USP4: variants seen among roughly 807,000 people sequenced by gnomAD.
USP4 encodes the protein ubiquitin carboxyl-terminal hydrolase 4.
In USP4, 72 loss-of-function variants were observed where a neutral mutation model predicts 118.2. The ratio of observed to expected loss-of-function variants is 0.61; its 90% CI spans 0.50 to 0.74. The LOEUF (loss-of-function observed/expected upper bound fraction) is 0.74, where lower values mean the gene tolerates loss of function less well. USP4 is among the 30% of genes least tolerant of loss of function. The probability of loss-of-function intolerance (pLI) is 0.00; values close to 1 mark genes in which losing one functional copy is unlikely to be tolerated. For synonymous variants in USP4, 415 were observed against 440.4 expected, an observed-to-expected ratio of 0.94 and a Z score of 0.72; for missense variants, 1,037 against 1,185.7, an observed-to-expected ratio of 0.87 and a Z score of 1.84.
At chr3:49,311,069 G>A (rs200781531) in intron 7 of USP4, among the ~76,000 whole-genome samples, 1 of 152,100 alleles carries the variant, frequency 6.6e-6, no homozygotes, top group East Asian at 1.9e-4. Context: ...CCACACCCAG[G>A]CTTGACTGGC....
chr3:49,313,509 C>T (rs528880847), intron 6 of USP4, among the ~76,000 whole-genome samples: 1 of 150,706 alleles, frequency 6.6e-6, no homozygotes, highest in South Asian at 2.1e-4. Flanking sequence ...GCCTGGGCAA[C>T]AAGAACAAAA....
At chr3:49,325,180 A>G (rs996803961) in intron 4 of USP4, 141 bp from the exon 5 acceptor site, 24 of 1,058,582 alleles carry the variant, frequency 2.3e-5, no homozygotes, top group Non-Finnish European at 3.1e-5. Context: ...CTTAAAATCA[A>G]TCATCTCCCA....
At chr3:49,302,340 A>G (rs2047270230) in intron 10 of USP4, 44 bp downstream of exon 10, 2 of 1,600,186 alleles carry the variant, frequency 1.2e-6, no homozygotes, top group African/African-American at 2.7e-5. Flanking sequence ...AATAGGAGGC[A>G]GCTTCTTTGG....
intron 11 of USP4, among the ~76,000 whole-genome samples, chr3:49,299,685 C>T (rs1388457628): frequency 2.6e-5 from 4 of 152,166 alleles, no homozygotes; most frequent in South Asian, 2.1e-4. Flanking sequence ...AGCCACCGCG[C>T]CCGGCCCTCA....
rs181356347 is a variant in USP4, at chr3:49,296,636, G to A, written c.1691+1234C>T. ...TGCACTCCTGCCTGGGAGACAGAGC[G>A]AGACTCCGTCTAAAAAAATAAAATA... On this transcript the variant is annotated intron_variant, in intron 13 of 21. Coordinates refer to ENST00000265560, the MANE Select transcript of USP4 (RefSeq NM_003363.4). Among the ~76,000 whole-genome samples the A allele has an allele frequency of 4.4e-3, 667 of 152,296 alleles. 4 individuals carry two copies. The highest frequency in any genetic ancestry group is 0.014 in the Middle Eastern group (4 of 294).
intron 2 of USP4, among the ~76,000 whole-genome samples, chr3:49,330,038 C>A (rs1460200051): frequency 6.6e-6 from 1 of 151,874 alleles, no homozygotes; most frequent in Non-Finnish European, 1.5e-5. Flanking sequence ...ACTCAGGAGG[C>A]TGAGGCAGGA....
chr3:49,316,151 G>A (rs572342526), intron 6 of USP4, among the ~76,000 whole-genome samples: 7 of 152,052 alleles, frequency 4.6e-5, no homozygotes, highest in Admixed American at 2.0e-4. Context: ...GCAGTGAGCC[G>A]AGATCGCGCC....
At chr3:49,285,408 G>C (rs2047082070) in intron 16 of USP4, among the ~76,000 whole-genome samples, 1 of 152,142 alleles carries the variant, frequency 6.6e-6, no homozygotes, top group Admixed American at 6.6e-5. Context: ...AAAAGTCAAA[G>C]ACTGGAGTTT....
chr3:49,317,644 TC>T (rs2047455076), intron 6 of USP4, among the ~76,000 whole-genome samples: 1 of 149,200 alleles, frequency 6.7e-6, no homozygotes, highest in Non-Finnish European at 1.5e-5. Flanking sequence ...TGGGTTCACA[TC>T]ATTCTCCTGC....
intron 6 of USP4, among the ~76,000 whole-genome samples, chr3:49,320,792 C>T (rs1322379945): frequency 6.6e-6 from 1 of 152,020 alleles, no homozygotes; most frequent in African/African-American, 2.4e-5. Flanking sequence ...AATTACCATA[C>T]TTCTTATTTT....
At chr3:49,312,617 T>A (rs1257133863) in intron 6 of USP4, 1 of 370,384 alleles carries the variant, frequency 2.7e-6, no homozygotes, top group Non-Finnish European at 5.4e-6. Flanking sequence ...CGAAACTCTG[T>A]CTCAAAAAAA....
intron 7 of USP4, among the ~76,000 whole-genome samples, chr3:49,311,199 T>A (rs902381023): frequency 6.6e-6 from 1 of 152,038 alleles, no homozygotes; most frequent in African/African-American, 2.4e-5. Flanking sequence ...CTGAGCACTG[T>A]CCCTTCACAA....
chr3:49,338,044 CAAAAAAAAAAAA>C (rs57186354), intron 1 of USP4, among the ~76,000 whole-genome samples: 4 of 52,026 alleles, frequency 7.7e-5, no homozygotes, highest in Admixed American at 2.9e-4. Context: ...GACTTCGTCT[CAAAAAAAAAAAA>C]AAAAAAAAAA....
At chr3:49,332,800 C>A (rs1342097941) in intron 2 of USP4, among the ~76,000 whole-genome samples, 1 of 151,588 alleles carries the variant, frequency 6.6e-6, no homozygotes, top group Non-Finnish European at 1.5e-5. Context: ...GACGTCAAGG[C>A]GGGAGGATTG....
In USP4 at chr3:49,311,546, G is replaced by C. The variant is rs766369966; in HGVS notation, c.804C>G (p.Thr268=). ...TGACACCGGAACTGTGCATCCCACA[G>C]GTGCTAGTGCTATCACCATTTGCAA... ...SLIANGDSTS[T]CGMHSSGVSR... The change falls in exon 7 of 22, where the codon ACC becomes ACG. Residue 268 remains threonine, a synonymous_variant. Coordinates refer to ENST00000265560, the MANE Select transcript of USP4 (RefSeq NM_003363.4). 6.2e-7 allele frequency: 1 copy of C among 1,613,778 alleles called. No homozygotes were observed. Among genetic ancestry groups the C allele is most frequent in the Admixed American group, 1.7e-5 (1 of 59,974 alleles).
In USP4 at chr3:49,286,089, A is replaced by G. The variant is rs780600441; in HGVS notation, c.2200+9T>C. On this transcript the variant is annotated intron_variant, in intron 16 of 21. Transcript: ENST00000265560. Reference sequence around the variant, plus strand: ...AAGCCCAGCTTGAAAGGTCAGAAAAAGTGCTTACAGTTGAGTTTAAGTAGT... The same window carrying G: ...AAGCCCAGCTTGAAAGGTCAGAAAAGGTGCTTACAGTTGAGTTTAAGTAGT... 1.2e-5 allele frequency: 19 copies of G among 1,613,662 alleles called. No individual in the cohort carries two copies. The highest frequency in any genetic ancestry group is 8.5e-7 in the Non-Finnish European group (1 of 1,179,698).
rs778985558 is a variant in USP4 at position 49,297,932 on chromosome 3, G to C, written c.1629C>G (p.Phe543Leu). ...CTTCATCCATTTGGAAAATTTTGTG[G>C]AATCGGTGATTATACACATCTGCGA... Reference protein sequence around the residue: ...MVVADVYNHRFHKIFQMDEGL... With the variant: ...MVVADVYNHRLHKIFQMDEGL... The change falls in exon 13 of 22, where the codon TTC becomes TTG. Residue 543 changes from phenylalanine (F) to leucine (L), a missense_variant. Around this residue, in one of 3 missense-constraint regions of USP4, gnomAD observed 522 missense variants for 592.6 expected, o/e 0.88. Transcript: ENST00000265560. The C allele has an allele frequency of 1.9e-6, 3 of 1,613,820 alleles. No individual in the cohort carries two copies. The highest frequency in any genetic ancestry group is 2.5e-6 in the Non-Finnish European group (3 of 1,179,884).
chr3:49,297,955 C>T lies in USP4; in HGVS notation c.1606G>A (p.Ala536Thr), dbSNP rs760275117. Residue 536 changes from alanine to threonine, a missense_variant, in exon 13 of 22, where the codon GCA (alanine) becomes ACA (threonine). Transcript: ENST00000265560. ...SGIAAENMVV[A>T]DVYNHRFHKI... Reference sequence around the variant, plus strand: ...TGGAATCGGTGATTATACACATCTGCGACCACCATCTAAGAATGAACAGTA... The same window carrying T: ...TGGAATCGGTGATTATACACATCTGTGACCACCATCTAAGAATGAACAGTA... 43 of 1,611,380 alleles carry T rather than the reference C, an allele frequency of 2.7e-5. No individual in the cohort carries two copies. The highest frequency in any genetic ancestry group is 3.5e-5 in the Non-Finnish European group (41 of 1,177,788).
At chr3:49,300,781 A>G in intron 10 of USP4, 90 bp from the exon 11 acceptor site, 10 of 1,185,522 alleles carry the variant, frequency 8.4e-6, no homozygotes, top group Non-Finnish European at 1.2e-5. Flanking sequence ...CTGGAGATGA[A>G]TCAGGTGGCA....
Sources: allele counts gnomAD v4.1 joint callset (sites outside exome capture counted in the v4.1 genomes callset), GRCh38; gene constraint gnomAD v4.1.1; regional missense constraint gnomAD v4.1.1; transcripts MANE v1.5; gene names NCBI Gene and HGNC (gene_info 2026-07-23, HGNC 2026-07-21).